The following LMO7 variants were observed in gnomAD, a reference collection of about 807,000 sequenced individuals.
The protein encoded by LMO7 is LIM domain only protein 7.
In LMO7, 120 loss-of-function variants were observed where a neutral mutation model predicts 206.5. That is an observed-to-expected ratio of 0.58 (90% CI 0.50 to 0.68). The LOEUF is 0.68. Ranked by LOEUF, LMO7 falls within the 30% of genes least tolerant of loss-of-function variation. LMO7 has a pLI of 0.00. For synonymous variants in LMO7, 706 were observed against 681.5 expected, an observed-to-expected ratio of 1.04 and a Z score of -0.56; for missense variants, 1,959 against 1,957.9, an observed-to-expected ratio of 1.00 and a Z score of -0.01.
At chr13:75,743,233 G>A (rs766378486) in intron 3 of LMO7, among the ~76,000 whole-genome samples, 12 of 152,158 alleles carry the variant, frequency 7.9e-5, no homozygotes, top group Non-Finnish European at 1.8e-4. Context: ...GTGCTGGTGA[G>A]GTTGTGGAGA....
chr13:75,851,250 A>G (rs79148070), intron 27 of LMO7, among the ~76,000 whole-genome samples: 8,461 of 152,318 alleles, frequency 0.056, 312 homozygotes, highest in Middle Eastern at 0.15. Flanking sequence ...CTAAGATAAT[A>G]CATATTAAAT....
rs533502460 is a variant in LMO7 at position 75,761,912 on chromosome 13, A to G, written c.317+874A>G. ...AATGAAAATGGAAAAATCTGTTTCT[A>G]CCAGTTCAAAGATTTAACTTATGTG... On this transcript the variant is annotated intron_variant, in intron 4 of 30. Coordinates refer to ENST00000377534, the MANE Select transcript of LMO7 (RefSeq NM_001306080.2). Among the ~76,000 whole-genome samples, 7 of 152,300 alleles carry G rather than the reference A, an allele frequency of 4.6e-5. No homozygotes were observed. The South Asian group carries it at 8.3e-4, about 18-fold the overall frequency.
chr13:75,858,079 A>G lies in LMO7; in HGVS notation c.*136A>G. On this transcript the variant is annotated 3_prime_UTR_variant, in exon 31 of 31. Coordinates refer to ENST00000377534, the MANE Select transcript of LMO7 (RefSeq NM_001306080.2). The stretch of plus-strand genomic sequence containing the variant: ...AGAATAACTTTTTTTGCCTCTTTAG[A>G]TTACATAGAAGCATTGTAGTCTTGG... 2 of 907,710 alleles carry G rather than the reference A, an allele frequency of 2.2e-6. No individual in the cohort carries two copies. Among genetic ancestry groups the G allele is most frequent in the Non-Finnish European group, 3.4e-6 (2 of 594,920 alleles). The allele number at this position is 907,710 out of a possible 1,614,324, so 56.2% of individuals were successfully genotyped here.
intron 1 of LMO7, among the ~76,000 whole-genome samples, chr13:75,656,264 A>G (rs1233905156): frequency 6.6e-6 from 1 of 152,174 alleles, no homozygotes; most frequent in East Asian, 1.9e-4. Flanking sequence ...TTTGCCTGGA[A>G]CTGTGGGTCC....
At chr13:75,630,427 C>G (rs1210124114) in intron 2 of LMO7, among the ~76,000 whole-genome samples, 3 of 152,238 alleles carry the variant, frequency 2.0e-5, no homozygotes, top group South Asian at 2.1e-4. Context: ...AATCCCAACA[C>G]TTTGGTAGGC....
intron 3 of LMO7, among the ~76,000 whole-genome samples, chr13:75,738,805 A>T (rs1314601339): frequency 6.6e-6 from 1 of 152,226 alleles, no homozygotes; most frequent in African/African-American, 2.4e-5. Flanking sequence ...TTACCATCTG[A>T]TATGTTAGTG....
intron 29 of LMO7, 133 bp downstream of exon 29, chr13:75,855,501 G>T: frequency 2.0e-6 from 1 of 506,568 alleles, no homozygotes; most frequent in South Asian, 3.7e-5. Context: ...CTGCATTTGA[G>T]TCACAAATTG....
At chr13:75,697,174 G>A (rs1483633443) in intron 1 of LMO7, among the ~76,000 whole-genome samples, 2 of 152,054 alleles carry the variant, frequency 1.3e-5, no homozygotes, top group East Asian at 1.9e-4. Context: ...GAAGGAGGTC[G>A]GGTGACTTCC....
At chr13:75,742,935 C>G (rs565093288) in intron 3 of LMO7, among the ~76,000 whole-genome samples, 1 of 152,248 alleles carries the variant, frequency 6.6e-6, no homozygotes, top group Admixed American at 6.5e-5. Context: ...AGTAAACAGA[C>G]AACCTACAGA....
chr13:75,636,429 T>C lies in LMO7; in HGVS notation c.-229T>C. On this transcript the variant is annotated 5_prime_UTR_variant, in exon 1 of 31. Transcript: ENST00000377534. ...CGGGTCCCCGCGGGCCTTGGGTCGCTTTCAGGAGTTTAGAGAAAGCCAGGT... is the reference window on the plus strand; with the variant it reads ...CGGGTCCCCGCGGGCCTTGGGTCGCCTTCAGGAGTTTAGAGAAAGCCAGGT... 6 of 1,371,256 alleles carry C rather than the reference T, an allele frequency of 4.4e-6. No homozygotes were observed. In the South Asian group the frequency reaches 9.1e-5, roughly 21 times the overall value. The allele number at this position is 1,371,256 out of a possible 1,614,324, so 84.9% of individuals were successfully genotyped here.
chr13:75,640,097 A>G (rs1461680741), intron 1 of LMO7, among the ~76,000 whole-genome samples: 1 of 2,316 alleles, frequency 4.3e-4, no homozygotes, highest in African/African-American at 2.1e-3. Flanking sequence ...AATTTCAATC[A>G]ACAGATATTA....
intron 11 of LMO7, among the ~76,000 whole-genome samples, chr13:75,810,710 G>GCTT (rs2056261292): frequency 6.6e-6 from 1 of 152,172 alleles, no homozygotes; most frequent in Non-Finnish European, 1.5e-5. Context: ...CTCAGAAATA[G>GCTT]TTGCTTTTCT....
At chr13:75,800,994 G>T in intron 7 of LMO7, 112 bp downstream of exon 7, 1 of 920,544 alleles carries the variant, frequency 1.1e-6, no homozygotes, top group Non-Finnish European at 1.7e-6. Context: ...ACTTAGAAGT[G>T]GATTTTCATA....
intron 9 of LMO7, chr13:75,806,087 A>G: frequency 9.3e-7 from 1 of 1,079,702 alleles, no homozygotes; most frequent in Admixed American, 4.8e-5. Context: ...GAGGATGAGG[A>G]CTCAGGTTCT....
chr13:75,636,630 G>A lies in LMO7; in HGVS notation c.-28G>A, dbSNP rs1566260787. On this transcript the variant is annotated 5_prime_UTR_variant, in exon 1 of 31. Coordinates refer to ENST00000377534, the MANE Select transcript of LMO7 (RefSeq NM_001306080.2). Reference sequence around the variant, plus strand: ...AACCCCTCCCCTCCACGCATCCCGAGTCTCTCTCTCCCTCCCTTGTCCTAG... The same window carrying A: ...AACCCCTCCCCTCCACGCATCCCGAATCTCTCTCTCCCTCCCTTGTCCTAG... 1 of 1,566,412 alleles carries A rather than the reference G, an allele frequency of 6.4e-7. No homozygotes were observed. The highest frequency in any genetic ancestry group is 8.7e-7 in the Non-Finnish European group (1 of 1,156,044).
At chr13:75,649,248 G>A (rs1404889588) in intron 1 of LMO7, among the ~76,000 whole-genome samples, 1 of 152,196 alleles carries the variant, frequency 6.6e-6, no homozygotes, top group East Asian at 1.9e-4. Flanking sequence ...TACAGAATGG[G>A]TCAGTGGAGG....
In LMO7 at chr13:75,630,831, T is replaced by A. The variant is rs555274001; in HGVS notation, c.225+7511T>A. 6.6e-5 allele frequency among the ~76,000 whole-genome samples: 10 copies of A among 152,250 alleles called. No homozygotes were observed. In the South Asian group the frequency reaches 1.7e-3, roughly 25 times the overall value. On this transcript the variant is annotated intron_variant, in intron 2 of 29. Transcript: ENST00000341547. ...TCTTTTTTCTTTTTTTCTTTTTGTATTTTTAGTAGAGATGGAGTTTCGCCA... is the reference window on the plus strand; with the variant it reads ...TCTTTTTTCTTTTTTTCTTTTTGTAATTTTAGTAGAGATGGAGTTTCGCCA...
At position 75,855,091 on chromosome 13, in the gene LMO7, G is replaced by A. The variant is rs1277991764; in HGVS notation, c.4662-169G>A. On this transcript the variant is annotated intron_variant, in intron 28 of 30. Coordinates refer to ENST00000377534, the MANE Select transcript of LMO7 (RefSeq NM_001306080.2). ...GCCATGGAGATGGTTCAAAGTTAGAGTATAATCAAGGCACTCTTTAGTTGG... is the reference window on the plus strand; with the variant it reads ...GCCATGGAGATGGTTCAAAGTTAGAATATAATCAAGGCACTCTTTAGTTGG... 1.7e-5 allele frequency: 9 copies of A among 536,992 alleles called. 1 individual carries two copies. The South Asian group carries it at 2.5e-4, about 15-fold the overall frequency. 33.3% of individuals were successfully genotyped at this position (536,992 alleles called of 1,614,324 possible).
At chr13:75,839,308 C>T (rs773470771) in intron 20 of LMO7, among the ~76,000 whole-genome samples, 7 of 152,016 alleles carry the variant, frequency 4.6e-5, no homozygotes, top group Non-Finnish European at 7.4e-5. Flanking sequence ...ACAGGCTATT[C>T]TAGGGAAGAG....
Sources: allele counts gnomAD v4.1 joint callset (sites outside exome capture counted in the v4.1 genomes callset), GRCh38; gene constraint gnomAD v4.1.1; transcripts MANE v1.5; gene names NCBI Gene and HGNC (gene_info 2026-07-23, HGNC 2026-07-21).